Variants in ANO3 observed in about 807,000 individuals in gnomAD.
The protein encoded by ANO3 is anoctamin-3.
In ANO3, 99 loss-of-function variants were observed where a neutral mutation model predicts 144.8. The ratio of observed to expected loss-of-function variants is 0.68; its 90% CI spans 0.58 to 0.81. The LOEUF (loss-of-function observed/expected upper bound fraction) is 0.81, where lower values mean the gene tolerates loss of function less well. Among genes scored for constraint, ANO3 ranks in the 30% least tolerant of loss-of-function variants. The pLI, the probability that ANO3 is intolerant of heterozygous loss-of-function variation, is 0.00. For synonymous variants in ANO3, 414 were observed against 392.6 expected (o/e 1.05, Z -0.64); for missense variants, 905 against 1,202.2 (o/e 0.75, Z 3.66).
chr11:26,192,329 G>A (rs1851493719), intron 1 of ANO3, among the ~76,000 whole-genome samples: 1 of 151,992 alleles, frequency 6.6e-6, no homozygotes, highest in Non-Finnish European at 1.5e-5. Context: ...TTAGTGGTAG[G>A]GGTGTGTATA....
chr11:26,551,598 A>G (rs1165701394), intron 12 of ANO3, among the ~76,000 whole-genome samples: 1 of 152,008 alleles, frequency 6.6e-6, no homozygotes, highest in African/African-American at 2.4e-5. Flanking sequence ...GATTGACTCC[A>G]TTTGGAAATT....
At chr11:26,295,297 C>T (rs151173926) in intron 1 of ANO3, among the ~76,000 whole-genome samples, 1,644 of 151,828 alleles carry the variant, frequency 0.011, 12 homozygotes, top group South Asian at 0.051. Flanking sequence ...CATCAAAAAT[C>T]ATTTGAGTCA....
chr11:26,458,739 A>G (rs749850291), intron 3 of ANO3, among the ~76,000 whole-genome samples: 21 of 152,150 alleles, frequency 1.4e-4, no homozygotes, highest in Non-Finnish European at 2.4e-4. Context: ...AATGAACTAA[A>G]TATCTGGATA....
chr11:26,484,732 G>A (rs1280290472), intron 4 of ANO3, among the ~76,000 whole-genome samples: 1 of 152,104 alleles, frequency 6.6e-6, no homozygotes, highest in East Asian at 1.9e-4. Context: ...AAAGCTGCAG[G>A]CACTCAATAC....
At chr11:26,189,175 C>G (rs1029847472) in exon 1 of ANO3, 9 of 983,582 alleles carry the variant, frequency 9.2e-6, no homozygotes, top group Non-Finnish European at 1.1e-5. Flanking sequence ...GGGAATTTTG[C>G]AATGTCAGTT....
chr11:26,320,667 A>G (rs1854736817), intron 1 of ANO3, among the ~76,000 whole-genome samples: 1 of 152,088 alleles, frequency 6.6e-6, no homozygotes. Flanking sequence ...ATGATGTTAT[A>G]TCTTATTTAT....
chr11:26,539,287 C>G (rs180694273), intron 10 of ANO3, among the ~76,000 whole-genome samples: 1 of 152,144 alleles, frequency 6.6e-6, no homozygotes, highest in African/African-American at 2.4e-5. Context: ...GCAGGGACCA[C>G]TGAGTGTACG....
At position 26,599,711 on chromosome 11, in the gene ANO3, T is replaced by C. The variant is rs1217425907; in HGVS notation, c.1833T>C (p.Asn611=). ...CINFIIIMLL[N]LAYEKIAYLL... ...ATTTCATAATCATTATGTTGCTGAA[T>C]CTTGTAAGTGTCTATAATGTTATTC... Residue 611 remains asparagine, a synonymous_variant, in exon 17 of 27, where the codon AAT becomes AAC. Coordinates refer to ENST00000256737, the MANE Select transcript of ANO3 (RefSeq NM_031418.4). The C allele has an allele frequency of 1.2e-6, 2 of 1,613,646 alleles. No individual in the cohort carries two copies. The highest frequency in any genetic ancestry group is 3.3e-5 in the Admixed American group (2 of 60,010).
intron 14 of ANO3, among the ~76,000 whole-genome samples, chr11:26,593,447 C>G (rs1397239672): frequency 6.6e-6 from 1 of 152,130 alleles, no homozygotes; most frequent in Non-Finnish European, 1.5e-5. Context: ...ATCTGGAGGA[C>G]AGATGTCCGG....
chr11:26,261,122 T>C (rs1182396694), intron 1 of ANO3, among the ~76,000 whole-genome samples: 1 of 152,198 alleles, frequency 6.6e-6, no homozygotes, highest in Non-Finnish European at 1.5e-5. Context: ...TCAGTTCTTC[T>C]AAGGGGCCTG....
At chr11:26,330,058 A>C (rs918579299), upstream of ANO3, among the ~76,000 whole-genome samples, 2 of 152,158 alleles carry the variant, frequency 1.3e-5, no homozygotes, top group African/African-American at 2.4e-5. Context: ...CTGATTCTAA[A>C]ACCGGTGATT....
intron 14 of ANO3, among the ~76,000 whole-genome samples, chr11:26,586,501 A>ATATTTTTTTTTTTTTTTTTT (rs1281089936): frequency 2.5e-5 from 1 of 40,018 alleles, no homozygotes; most frequent in African/African-American, 8.9e-5. Flanking sequence ...CCTGGTGAGA[A>ATATTTTTTTTTTTTTTTTTT]TCTTTTTTTT....
rs560389229 is a variant in ANO3 at position 26,424,850 on chromosome 11, C to A, written c.47-17068C>A. ...GTGTTTTAGTAGTATTTCATTGAAT[C>A]TTGGGGGAATTCCTCTTCAAAATAG... On this transcript the variant is annotated intron_variant, in intron 1 of 26. Transcript: ENST00000256737. 5.3e-5 allele frequency among the ~76,000 whole-genome samples: 8 copies of A among 151,946 alleles called. No homozygotes were observed. In the South Asian group the frequency reaches 1.7e-3, roughly 32 times the overall value.
At chr11:26,602,593 T>TTC (rs1172192311) in intron 17 of ANO3, among the ~76,000 whole-genome samples, 1 of 149,336 alleles carries the variant, frequency 6.7e-6, no homozygotes, top group Non-Finnish European at 1.5e-5. Context: ...CTTTTCTTTT[T>TTC]TTTTTTTTTA....
At chr11:26,544,657 T>C (rs1354237275) in intron 11 of ANO3, among the ~76,000 whole-genome samples, 1 of 151,878 alleles carries the variant, frequency 6.6e-6, no homozygotes, top group Non-Finnish European at 1.5e-5. Context: ...CATTTAGTCA[T>C]TCAAAGCTAT....
chr11:26,203,950 T>C (rs1256175548), intron 1 of ANO3, among the ~76,000 whole-genome samples: 3 of 152,182 alleles, frequency 2.0e-5, no homozygotes, highest in Non-Finnish European at 4.4e-5. Context: ...TTTTCCACTC[T>C]TTCTCTCACA....
chr11:26,333,504 C>G (rs767676104), intron 1 of ANO3, among the ~76,000 whole-genome samples: 12 of 152,012 alleles, frequency 7.9e-5, no homozygotes, highest in Admixed American at 2.0e-4. Context: ...GGATGGCCTC[C>G]ATCTCCTGAC....
chr11:26,528,944 A>G (rs1849233855), intron 7 of ANO3, among the ~76,000 whole-genome samples: 1 of 149,010 alleles, frequency 6.7e-6, no homozygotes, highest in Admixed American at 6.9e-5. Context: ...TTAGGCTAGA[A>G]AAAAATGTTT....
intron 3 of ANO3, among the ~76,000 whole-genome samples, chr11:26,449,808 G>A (rs1235184600): frequency 1.3e-5 from 2 of 151,930 alleles, no homozygotes; most frequent in African/African-American, 2.4e-5. Flanking sequence ...GGCTGGAGGA[G>A]TGCAGTGGCA....
Sources: allele counts gnomAD v4.1 joint callset (sites outside exome capture counted in the v4.1 genomes callset), GRCh38; gene constraint gnomAD v4.1.1; transcripts MANE v1.5; gene names NCBI Gene and HGNC (gene_info 2026-07-23, HGNC 2026-07-21).